The following SEMA6D variants were observed in gnomAD, a reference collection of about 807,000 sequenced individuals.
SEMA6D encodes semaphorin 6D, also known as semaphorin-6D.
Under a neutral mutation model 106.6 loss-of-function variants are expected in SEMA6D, and 35 were observed. The observed-to-expected ratio is 0.33, with a 90% CI of 0.25 to 0.44. The LOEUF is 0.44. SEMA6D is among the 20% of genes least tolerant of loss of function. SEMA6D has a pLI of 1.00. For missense variants in SEMA6D, 1,185 were observed against 1,345.9 expected (o/e 0.88, Z 1.87); for synonymous variants, 499 against 487.7 (o/e 1.02, Z -0.31).
chr15:47,298,262 G>C (rs553593606), intron 1 of SEMA6D, among the ~76,000 whole-genome samples: 5 of 152,090 alleles, frequency 3.3e-5, no homozygotes, highest in South Asian at 4.1e-4. Flanking sequence ...GGAGCTCCCA[G>C]GTGTGGTTGT....
chr15:47,574,797 C>T (rs2076128235), intron 3 of SEMA6D, among the ~76,000 whole-genome samples: 1 of 152,076 alleles, frequency 6.6e-6, no homozygotes, highest in Admixed American at 6.6e-5. Flanking sequence ...TTGGATAGAG[C>T]CTGATTTCAT....
chr15:47,448,319 A>G (rs1447872898), intron 2 of SEMA6D, among the ~76,000 whole-genome samples: 9 of 152,138 alleles, frequency 5.9e-5, no homozygotes, highest in Non-Finnish European at 1.5e-5. Context: ...TAATCTCAGT[A>G]TGACCTGGGC....
chr15:47,186,512 T>A (rs1428375637), intron 1 of SEMA6D, among the ~76,000 whole-genome samples: 1 of 142,048 alleles, frequency 7.0e-6, no homozygotes, highest in African/African-American at 2.6e-5. Context: ...AATGCTTTCA[T>A]AGCAGCATTC....
chr15:47,700,019 T>C (rs1048482493), intron 4 of SEMA6D, among the ~76,000 whole-genome samples: 1 of 152,184 alleles, frequency 6.6e-6, no homozygotes, highest in African/African-American at 2.4e-5. Flanking sequence ...TAAAACACAG[T>C]ACAATTTACA....
intron 1 of SEMA6D, among the ~76,000 whole-genome samples, chr15:47,729,335 C>T (rs1292169087): frequency 1.3e-5 from 2 of 151,596 alleles, no homozygotes; most frequent in African/African-American, 2.4e-5. Context: ...TATTTCTTCT[C>T]AGGGTGTATA....
At chr15:47,343,852 T>C (rs1485152465) in intron 1 of SEMA6D, among the ~76,000 whole-genome samples, 2 of 152,164 alleles carry the variant, frequency 1.3e-5, no homozygotes, top group African/African-American at 4.8e-5. Context: ...GACAAAGGGC[T>C]AATATCCAGA....
chr15:47,333,565 A>T (rs1469566954), intron 1 of SEMA6D, among the ~76,000 whole-genome samples: 1 of 152,184 alleles, frequency 6.6e-6, no homozygotes, highest in African/African-American at 2.4e-5. Context: ...GGCAGGTATC[A>T]ACATGTAATG....
chr15:47,318,268 A>T (rs947251816), intron 1 of SEMA6D, among the ~76,000 whole-genome samples: 30 of 148,650 alleles, frequency 2.0e-4, no homozygotes, highest in African/African-American at 6.4e-4. Flanking sequence ...CTTTTTTTTA[A>T]AATTTATTAT....
chr15:47,347,918 A>G (rs621423), intron 1 of SEMA6D, among the ~76,000 whole-genome samples: 71,013 of 152,014 alleles, frequency 0.47, 19,706 homozygotes, highest in South Asian at 0.61. Context: ...TGGGGTCATT[A>G]TTTGGGACAG....
intron 3 of SEMA6D, among the ~76,000 whole-genome samples, chr15:47,474,261 C>T (rs944433299): frequency 1.3e-5 from 2 of 152,162 alleles, no homozygotes; most frequent in South Asian, 2.1e-4. Flanking sequence ...AAGACAGACC[C>T]TCCCTGTCAC....
At chr15:47,530,023 T>C (rs1490613186) in intron 3 of SEMA6D, among the ~76,000 whole-genome samples, 1 of 152,120 alleles carries the variant, frequency 6.6e-6, no homozygotes, top group Non-Finnish European at 1.5e-5. Context: ...CTCACTGCCA[T>C]AGGGAGGAGG....
intron 2 of SEMA6D, among the ~76,000 whole-genome samples, chr15:47,437,383 A>G (rs2041752034): frequency 6.6e-6 from 1 of 152,118 alleles, no homozygotes; most frequent in Admixed American, 6.5e-5. Context: ...GTTTACTGTT[A>G]AATGAATGAA....
chr15:47,347,980 T>G (rs1016863350), intron 1 of SEMA6D, among the ~76,000 whole-genome samples: 1 of 152,174 alleles, frequency 6.6e-6, no homozygotes, highest in Non-Finnish European at 1.5e-5. Context: ...CCATACTGTT[T>G]CCTGGAAGTC....
intron 1 of SEMA6D, among the ~76,000 whole-genome samples, chr15:47,366,456 G>A (rs545777520): frequency 3.3e-5 from 5 of 152,276 alleles, no homozygotes; most frequent in Admixed American, 2.0e-4. Context: ...TATAGTCCCT[G>A]CCTGTTAAAA....
At chr15:47,184,529 G>GGCGGCGTCCAGGATGCT (rs945681408) in intron 1 of SEMA6D, 5 of 152,210 alleles carry the variant, frequency 3.3e-5, no homozygotes, top group Non-Finnish European at 7.3e-5. Flanking sequence ...GGGGAGCTCT[G>GGCGGCGTCCAGGATGCT]GCGGCGTCCA....
At chr15:47,702,251 C>T (rs1173750786) in intron 4 of SEMA6D, among the ~76,000 whole-genome samples, 2 of 152,010 alleles carry the variant, frequency 1.3e-5, no homozygotes, top group Non-Finnish European at 2.9e-5. Flanking sequence ...ATACAGATAG[C>T]AAATAAACAT....
Position 47,440,697 on chromosome 15 carries a change from G to A in SEMA6D, c.-159+28225G>A, listed in dbSNP as rs941411698. 4.6e-5 allele frequency among the ~76,000 whole-genome samples: 7 copies of A among 151,858 alleles called. No homozygotes were observed. The East Asian group carries it at 5.8e-4, about 13-fold the overall frequency. On this transcript the variant is annotated intron_variant, in intron 2 of 19. Coordinates refer to the SEMA6D transcript ENST00000558014. ...TTGAATGATGACTTAACATAGAAGC[G>A]ACTGAATTCAGGAACAGAATAGAGG...
chr15:47,406,534 A>C (rs1297231444), intron 1 of SEMA6D, among the ~76,000 whole-genome samples: 1 of 152,176 alleles, frequency 6.6e-6, no homozygotes, highest in Non-Finnish European at 1.5e-5. Context: ...ATTTATAATA[A>C]TTTATTAATA....
chr15:47,727,211 A>C (rs1420858205), intron 1 of SEMA6D, among the ~76,000 whole-genome samples: 1 of 152,210 alleles, frequency 6.6e-6, no homozygotes. Flanking sequence ...GTCGTCACGC[A>C]CATCTTTGAT....
Sources: gnomAD v4.1 joint callset for allele counts (sites outside exome capture counted in the v4.1 genomes callset) on GRCh38, gnomAD v4.1.1 for gene constraint, MANE v1.5 for transcripts, NCBI Gene and HGNC (gene_info 2026-07-23, HGNC 2026-07-21) for gene names.